KIF21B: variants seen among roughly 807,000 people sequenced by gnomAD.
KIF21B encodes the protein kinesin family member 21B, also known as kinesin-like protein KIF21B.
A neutral mutation model predicts 192.9 loss-of-function variants in KIF21B; 85 were observed. The observed-to-expected ratio is 0.44, with a 90% confidence interval of 0.37 to 0.53. The LOEUF is 0.53. Ranked by LOEUF, KIF21B falls within the 20% of genes least tolerant of loss-of-function variation. The pLI is 0.00. For missense variants in KIF21B, 1,716 were observed against 2,194.8 expected (o/e 0.78, Z 4.36); for synonymous variants, 832 against 884.6 (o/e 0.94, Z 1.05).
chr1:201,001,015 G>A (rs1243019824), intron 9 of KIF21B, among the ~76,000 whole-genome samples: 1 of 151,838 alleles, frequency 6.6e-6, no homozygotes, highest in Non-Finnish European at 1.5e-5. Flanking sequence ...GCTGAGGCAG[G>A]AGAATCGCTT....
intron 9 of KIF21B, 65 bp downstream of exon 9, chr1:201,002,095 TG>T (rs1053825915): frequency 7.2e-7 from 1 of 1,389,312 alleles, no homozygotes; most frequent in African/African-American, 1.4e-5. Flanking sequence ...TACTCTGGGG[TG>T]GATGTCGGGG....
intron 3 of KIF21B, among the ~76,000 whole-genome samples, chr1:201,007,129 CACAG>C (rs1283617441): frequency 3.4e-4 from 49 of 143,558 alleles, no homozygotes; most frequent in Admixed American, 3.4e-4. Context: ...GACACCCACA[CACAG>C]ACACAGAGAT....
At chr1:201,002,076 T>A in intron 9 of KIF21B, 85 bp downstream of exon 9, 3 of 1,234,010 alleles carry the variant, frequency 2.4e-6, no homozygotes, top group Non-Finnish European at 3.5e-6. Context: ...GCTGGCTTAG[T>A]CCACCTGATA....
chr1:200,986,857 C>T lies in KIF21B; in HGVS notation c.3676G>A (p.Gly1226Arg), dbSNP rs778248419. Residue 1226 changes from glycine (G) to arginine (R), a missense_variant, in exon 26 of 35, where the codon GGG (glycine) becomes AGG (arginine). Physicochemically the swap from Gly to Arg is moderately radical, Grantham distance 125. Transcript: ENST00000461742. ...ACATGATCTCACCTAATGGGCTGCC[C>T]TCGGTCGTAGGACTTCCTTCTCGTC... is the stretch of plus-strand genomic sequence containing the variant. The part of the protein sequence containing the change: ...PLTRRKSYDR[G>R]QPIRSTDVGF... 1 of 1,613,502 alleles carries T rather than the reference C, an allele frequency of 6.2e-7. No individual in the cohort carries two copies. The highest frequency in any genetic ancestry group is 2.2e-5 in the East Asian group (1 of 44,864).
chr1:201,000,069 C>CAGTGCTCTCCCCGGCCTCT lies in KIF21B; in HGVS notation c.1686-106_1686-105insAGAGGCCGGGGAGAGCACT. 9.8e-7 allele frequency: 1 copy of CAGTGCTCTCCCCGGCCTCT among 1,023,582 alleles called. No individual in the cohort carries two copies. The highest frequency in any genetic ancestry group is 1.5e-6 in the Non-Finnish European group (1 of 662,908). 63.4% of individuals were successfully genotyped at this position (1,023,582 alleles called of 1,614,324 possible). The stretch of plus-strand genomic sequence containing the variant: ...GAAAAGGAAGGCTCTCACCAGAGGC[C>CAGTGCTCTCCCCGGCCTCT]GGGGAGAGCACTGGCTCCTACTCTG... On this transcript the variant is annotated intron_variant, in intron 11 of 34. Coordinates refer to ENST00000461742, the MANE Select transcript of KIF21B (RefSeq NM_001252102.2). This position sits in a 1 kb window ranked among gnomAD's most constrained non-coding sequence, Gnocchi z 6.0.
At chr1:200,988,967 C>G in intron 21 of KIF21B, 36 bp from the exon 22 acceptor site, 1 of 1,577,298 alleles carries the variant, frequency 6.3e-7, no homozygotes, top group African/African-American at 1.3e-5. Context: ...GTTACCCCTC[C>G]TGGGGGTTGG....
At chr1:201,004,657 T>C (rs754634797) in intron 6 of KIF21B, 109 bp downstream of exon 6, 2 of 1,400,412 alleles carry the variant, frequency 1.4e-6, no homozygotes, top group Non-Finnish European at 2.0e-6. Flanking sequence ...GAAGGGCTAA[T>C]TGGCAAGATG....
chr1:201,001,992 A>T, intron 9 of KIF21B, 169 bp downstream of exon 9: 1 of 612,326 alleles, frequency 1.6e-6, no homozygotes, highest in African/African-American at 1.8e-5. Context: ...TTCATGTATT[A>T]CTTGTGCCAT....
rs1657348140 is a variant in KIF21B at position 200,999,797 on chromosome 1, TACAA to T, written c.1767+82_1767+85del. The T allele has an allele frequency of 2.6e-4, 347 of 1,330,484 alleles. 6 individuals are homozygous for T. The South Asian group carries it at 4.0e-3, about 15-fold the overall frequency. 82.4% of individuals were successfully genotyped at this position (1,330,484 alleles called of 1,614,324 possible). On this transcript the variant is annotated intron_variant, in intron 12 of 34. Transcript: ENST00000461742. This position sits in a 1 kb window ranked among gnomAD's most constrained non-coding sequence, Gnocchi z 4.7. ...AGACCCAACCGCCTCCTTCACTCCA[TACAA>T]GGATGCGGATGGGGCCCCCGCCAAC...
chr1:201,008,403 G>C lies in KIF21B; in HGVS notation c.447+366C>G, dbSNP rs532727613. Among the ~76,000 whole-genome samples, 10 of 152,282 alleles carry C rather than the reference G, an allele frequency of 6.6e-5. No homozygotes were observed. In the East Asian group the frequency reaches 1.9e-3, roughly 29 times the overall value. ...CAGAGAAGGCCAGAAGGAAGGGAGA[G>C]AGCCAGGGTTCTCACAAAACCCTAA... On this transcript the variant is annotated intron_variant, in intron 3 of 34. Coordinates refer to ENST00000461742, the MANE Select transcript of KIF21B (RefSeq NM_001252102.2).
intron 15 of KIF21B, among the ~76,000 whole-genome samples, chr1:200,994,301 C>T (rs888337849): frequency 1.8e-4 from 27 of 152,252 alleles, no homozygotes; most frequent in Non-Finnish European, 1.8e-4. Flanking sequence ...CTGCAGGCCC[C>T]ACCCCAGTTC....
In KIF21B at chr1:200,971,298, C is replaced by G. The variant is rs1366891426; in HGVS notation, c.*2223G>C. ...CTTGCCAGGACAGCAGAGCTGGCCC[C>G]GCCGTGAGGTAGCTGACCCATCAGA... On this transcript the variant is annotated 3_prime_UTR_variant, in exon 35 of 35. Coordinates refer to ENST00000461742, the MANE Select transcript of KIF21B (RefSeq NM_001252102.2). 6.5e-6 allele frequency: 1 copy of G among 152,698 alleles called. No homozygotes were observed. Among genetic ancestry groups the G allele is most frequent in the Non-Finnish European group, 1.5e-5 (1 of 68,046 alleles). The allele number at this position is 152,698 out of a possible 1,614,324, so 9.5% of individuals were successfully genotyped here. A position where few individuals can be genotyped will look rare whatever the true frequency, so the allele number is the denominator to read the frequency against.
Position 200,990,630 on chromosome 1 carries a change from G to A in KIF21B, c.2781C>T (p.Val927=), listed in dbSNP as rs572130737. The A allele has an allele frequency of 4.0e-5, 64 of 1,614,180 alleles. 1 individual carries two copies. The South Asian group carries it at 6.9e-4, about 17-fold the overall frequency. ...QSLERRIIDI[V]MQRMTIVNLE... is the part of the protein sequence containing the mutation. ...GGTTGACAATGGTCATTCTCTGCAT[G>A]ACGATGTCAATGATCCGTCGCTCCA... The change falls in exon 19 of 35, where the codon GTC becomes GTT. Residue 927 remains valine, a synonymous_variant. Transcript: ENST00000461742. This position sits in a 1 kb window ranked among gnomAD's most constrained non-coding sequence, Gnocchi z 5.4.
In KIF21B at chr1:200,998,665, C is replaced by A; in HGVS notation, c.1886-90G>T. On this transcript the variant is annotated intron_variant, in intron 13 of 34. Coordinates refer to ENST00000461742, the MANE Select transcript of KIF21B (RefSeq NM_001252102.2). This position sits in a 1 kb window ranked among gnomAD's most constrained non-coding sequence, Gnocchi z 4.3. ...CCAGTGCTGGGGAGCTGGGACCCTC[C>A]TTTGGTCAGCCATGACCAATCAGTG... 8.3e-7 allele frequency: 1 copy of A among 1,206,462 alleles called. No individual in the cohort carries two copies. The highest frequency in any genetic ancestry group is 1.2e-6 in the Non-Finnish European group (1 of 843,062). 74.7% of individuals were successfully genotyped at this position (1,206,462 alleles called of 1,614,324 possible). A position where few individuals can be genotyped will look rare whatever the true frequency, so the allele number is the denominator to read the frequency against.
At position 201,000,911 on chromosome 1, in the gene KIF21B, T is replaced by TC. The variant is rs1359369894; in HGVS notation, c.1403-132_1403-131insG. The TC allele has an allele frequency of 3.6e-6, 3 of 824,274 alleles. No homozygotes were observed. Among genetic ancestry groups the TC allele is most frequent in the Middle Eastern group, 5.7e-4 (2 of 3,536 alleles). The allele number at this position is 824,274 out of a possible 1,614,324, so 51.1% of individuals were successfully genotyped here. On this transcript the variant is annotated intron_variant, in intron 9 of 34. Coordinates refer to ENST00000461742, the MANE Select transcript of KIF21B (RefSeq NM_001252102.2). The surrounding 1 kb of genome is among the most constrained non-coding windows in gnomAD (Gnocchi z 6.0). Reference sequence around the variant, plus strand: ...TCACCTGAGGCTGGGAGTTCGAGACTAGCCTGACCAACATGGAGAAACCCC... The same window carrying TC: ...TCACCTGAGGCTGGGAGTTCGAGACTCAGCCTGACCAACATGGAGAAACCCC...
At chr1:201,015,235 GGCATGCTCGCA>G (rs1425162167) in intron 1 of KIF21B, among the ~76,000 whole-genome samples, 1 of 152,222 alleles carries the variant, frequency 6.6e-6, no homozygotes, top group Non-Finnish European at 1.5e-5. Flanking sequence ...GGGGAGAACT[GGCATGCTCGCA>G]GCTGCCCACT....
chr1:200,985,471 A>G (rs72749145), intron 26 of KIF21B, among the ~76,000 whole-genome samples: 39,055 of 151,882 alleles, frequency 0.26, 6,017 homozygotes, highest in African/African-American at 0.43. Context: ...CTGGGTGATG[A>G]AGTAAGACCC....
rs1345199231 is a variant in KIF21B at position 200,996,317 on chromosome 1, C to A, written c.2156G>T (p.Arg719Leu). ...DYEKRLREMN[R>L]DLQKLQAAQK... is the part of the protein sequence containing the mutation. Reference sequence around the variant, plus strand: ...GGCGGCCTGCAGCTTCTGCAGGTCCCGGTTCATCTCCCGCAGCCTCTTCTC... The same window carrying A: ...GGCGGCCTGCAGCTTCTGCAGGTCCAGGTTCATCTCCCGCAGCCTCTTCTC... The change falls in exon 15 of 35, where the codon CGG becomes CTG. Residue 719 changes from arginine to leucine, a missense_variant. By Grantham distance (102) the Arg-to-Leu change is moderately radical (BLOSUM62 -2). Coordinates refer to ENST00000461742, the MANE Select transcript of KIF21B (RefSeq NM_001252102.2). 1 of 1,614,030 alleles carries A rather than the reference C, an allele frequency of 6.2e-7. No individual in the cohort carries two copies. Among genetic ancestry groups the A allele is most frequent in the Non-Finnish European group, 8.5e-7 (1 of 1,180,042 alleles).
At chr1:201,009,026 T>A in intron 2 of KIF21B, 75 bp from the exon 3 acceptor site, 1 of 1,483,692 alleles carries the variant, frequency 6.7e-7, no homozygotes, top group Non-Finnish European at 9.0e-7. Context: ...CTGGGCCAAA[T>A]CCCCTTAGCT....
Sources: allele counts gnomAD v4.1 joint callset (sites outside exome capture counted in the v4.1 genomes callset), GRCh38; gene constraint gnomAD v4.1.1; non-coding constraint Gnocchi (gnomAD v3.1); transcripts MANE v1.5; gene names NCBI Gene and HGNC (gene_info 2026-07-23, HGNC 2026-07-21).